STEAP4: variants seen among roughly 807,000 people sequenced by gnomAD.
The protein encoded by STEAP4 is STEAP4 metalloreductase, also known as metalloreductase STEAP4.
In STEAP4, 36 loss-of-function variants were observed where a neutral mutation model predicts 43.6. The observed-to-expected ratio is 0.83, with a 90% CI of 0.63 to 1.09. The LOEUF is 1.09. Ranked by LOEUF, STEAP4 falls within the 50% of genes least tolerant of loss-of-function variation. The pLI is 0.00. For missense variants in STEAP4, 495 were observed against 546.5 expected, an observed-to-expected ratio of 0.91 and a Z score of 0.94; for synonymous variants, 191 against 196.7, an observed-to-expected ratio of 0.97 and a Z score of 0.24.
At chr7:88,301,535 C>G (rs955535002) in intron 1 of STEAP4, among the ~76,000 whole-genome samples, 8 of 152,148 alleles carry the variant, frequency 5.3e-5, no homozygotes, top group Admixed American at 5.2e-4. Context: ...CCTCAGCCTC[C>G]TAAAGTGCTG....
At chr7:88,294,618 G>C (rs1586751174) in intron 1 of STEAP4, among the ~76,000 whole-genome samples, 1 of 152,218 alleles carries the variant, frequency 6.6e-6, no homozygotes. Flanking sequence ...CCCTGGAATA[G>C]ATCCTGTTTC....
At chr7:88,285,929 G>GTT (rs1235067531) in intron 1 of STEAP4, among the ~76,000 whole-genome samples, 1 of 152,054 alleles carries the variant, frequency 6.6e-6, no homozygotes, top group Non-Finnish European at 1.5e-5. Flanking sequence ...GACCCAACAG[G>GTT]TTTGCCTTGC....
Position 88,282,736 on chromosome 7 carries a change from C to T in STEAP4, c.889G>A (p.Ala297Thr). 6.2e-7 allele frequency: 1 copy of T among 1,614,054 alleles called. No homozygotes were observed. Among genetic ancestry groups the T allele is most frequent in the African/African-American group, 1.3e-5 (1 of 75,006 alleles). ...MLCRKQLGLV[A>T]LGFAFLHVLY... ...ACATGAAGGAAGGCAAATCCCAGAG[C>T]TACCAAGCCAAGCTGCTTTCGGCAA... is the stretch of plus-strand genomic sequence containing the variant. Residue 297 changes from alanine (A) to threonine (T), a missense_variant, in exon 3 of 5, where the codon GCT becomes ACT. Coordinates refer to ENST00000380079, the MANE Select transcript of STEAP4 (RefSeq NM_024636.4).
rs1367400254 is a variant in STEAP4 at position 88,279,527 on chromosome 7, A to C, written c.1251T>G (p.Pro417=). The change falls in exon 5 of 5, where the codon CCT becomes CCG. Residue 417 remains proline, a synonymous_variant. Transcript: ENST00000380079. ...TGATAAGCCCTAACACGTAGGCTGC[A>C]GGAAGATACCATCTGAGATTTGAAG... ...LSPSNLRWYL[P]AAYVLGLIIP... is the part of the protein sequence containing the mutation. 3 of 1,614,194 alleles carry C rather than the reference A, an allele frequency of 1.9e-6. No homozygotes were observed. The highest frequency in any genetic ancestry group is 3.3e-5 in the Admixed American group (2 of 60,000).
At position 88,279,046 on chromosome 7, in the gene STEAP4, G is replaced by GCT. The variant is rs1394348117; in HGVS notation, c.*351_*352insAG. 4.2e-6 allele frequency: 1 copy of GCT among 240,018 alleles called. No individual in the cohort carries two copies. The highest frequency in any genetic ancestry group is 2.2e-5 in the African/African-American group (1 of 44,480). 14.9% of individuals were successfully genotyped at this position (240,018 alleles called of 1,614,324 possible). ...AGCCCTTGAGCCAGAGAAGGAAGCT[G>GCT]CAATACTTCTATTGGATTTTGCAAG... is the stretch of plus-strand genomic sequence containing the variant. On this transcript the variant is annotated 3_prime_UTR_variant, in exon 5 of 5. Coordinates refer to ENST00000380079, the MANE Select transcript of STEAP4 (RefSeq NM_024636.4).
intron 1 of STEAP4, among the ~76,000 whole-genome samples, chr7:88,285,479 A>G (rs1852715339): frequency 6.6e-6 from 1 of 152,114 alleles, no homozygotes; most frequent in Admixed American, 6.5e-5. Context: ...TAAAATTTTT[A>G]TAAAGCTAAA....
chr7:88,283,507 T>A (rs1852667393), intron 2 of STEAP4: 1 of 491,216 alleles, frequency 2.0e-6, no homozygotes. Flanking sequence ...GGAACCAGTT[T>A]CATACAAGGT....
rs918935021 is a variant in STEAP4 at position 88,271,881 on chromosome 7, G to A, written c.*7517C>T. ...TTGCCCATCTACTAGGTGAGAAATG[G>A]TATTGATACAGTTACAATTTTCATG... On this transcript the variant is annotated 3_prime_UTR_variant, in exon 5 of 5. Transcript: ENST00000380079. The A allele has an allele frequency of 6.6e-6, 1 of 152,146 alleles. No homozygotes were observed. Among genetic ancestry groups the A allele is most frequent in the Non-Finnish European group, 1.5e-5 (1 of 68,036 alleles). 9.4% of individuals were successfully genotyped at this position (152,146 alleles called of 1,614,324 possible). A position where few individuals can be genotyped will look rare whatever the true frequency, so the allele number is the denominator to read the frequency against.
At chr7:88,285,047 G>A (rs1345107393) in intron 1 of STEAP4, among the ~76,000 whole-genome samples, 1 of 152,158 alleles carries the variant, frequency 6.6e-6, no homozygotes, top group Middle Eastern at 3.4e-3. Context: ...AAAGAAATCA[G>A]AGGTACAGAA....
chr7:88,289,718 C>T (rs1302182713), intron 1 of STEAP4, among the ~76,000 whole-genome samples: 2 of 152,218 alleles, frequency 1.3e-5, no homozygotes, highest in Non-Finnish European at 2.9e-5. Context: ...TATAAACAAA[C>T]TGGCGACTGA....
At chr7:88,283,339 G>C in intron 2 of STEAP4, 171 bp from the exon 3 acceptor site, 1 of 724,422 alleles carries the variant, frequency 1.4e-6, no homozygotes. Flanking sequence ...ACTTGTATGT[G>C]GTGTCTTAGA....
At position 88,291,687 on chromosome 7, in the gene STEAP4, T is replaced by C. The variant is rs57114607; in HGVS notation, c.-2-7416A>G. On this transcript the variant is annotated intron_variant, in intron 1 of 4. Coordinates refer to ENST00000380079, the MANE Select transcript of STEAP4 (RefSeq NM_024636.4). The stretch of plus-strand genomic sequence containing the variant: ...CCTTGTTCAAAGACTTAAAAAAGTT[T>C]TCTAGTCCTACTTTACTCTTATATC... 8.9e-3 allele frequency among the ~76,000 whole-genome samples: 1,355 copies of C among 152,180 alleles called. 20 individuals carry two copies. Among genetic ancestry groups the C allele is most frequent in the African/African-American group, 0.031 (1,280 of 41,494 alleles).
chr7:88,282,881 T>A lies in STEAP4; in HGVS notation c.744A>T (p.Pro248=). The A allele has an allele frequency of 6.2e-7, 1 of 1,614,234 alleles. No homozygotes were observed. Among genetic ancestry groups the A allele is most frequent in the Non-Finnish European group, 8.5e-7 (1 of 1,180,038 alleles). ...AAGCAAGCAGTGTAAGTGCTGTTAT[T>A]GGAAAGATACGATTTGGAATGGAAA... ...MAISIPNRIF[P]ITALTLLALV... is the part of the protein sequence containing the mutation. The change falls in exon 3 of 5, where the codon CCA becomes CCT. Residue 248 remains proline (P), a synonymous_variant. Transcript: ENST00000380079.
At chr7:88,294,970 G>C (rs998336565) in intron 1 of STEAP4, among the ~76,000 whole-genome samples, 5 of 152,058 alleles carry the variant, frequency 3.3e-5, no homozygotes, top group African/African-American at 1.2e-4. Flanking sequence ...ACCATTAGGA[G>C]TCTAACTTGT....
At chr7:88,300,876 AG>A (rs145122755) in intron 1 of STEAP4, among the ~76,000 whole-genome samples, 21,521 of 152,172 alleles carry the variant, frequency 0.14, 1,818 homozygotes, top group Non-Finnish European at 0.2. Flanking sequence ...AAGGCTCCTA[AG>A]TTCTTTAGGA....
chr7:88,284,133 A>G lies in STEAP4; in HGVS notation c.137T>C (p.Val46Ala), dbSNP rs751133705. 1 of 1,614,122 alleles carries G rather than the reference A, an allele frequency of 6.2e-7. No homozygotes were observed. Among genetic ancestry groups the G allele is most frequent in the African/African-American group, 1.3e-5 (1 of 75,030 alleles). ...LKMLQCGYSV[V>A]FGSRNPQKTT... ...CTTCTGGGGGTTTCGACTTCCAAAA[A>G]CAACAGAATAACCACACTGGAGCAT... Residue 46 changes from valine (V) to alanine (A), a missense_variant, in exon 2 of 5, where the codon GTT (valine) becomes GCT (alanine). By Grantham distance (64) the Val-to-Ala change is moderately conservative (BLOSUM62 0). Transcript: ENST00000380079.
intron 1 of STEAP4, among the ~76,000 whole-genome samples, chr7:88,285,409 C>G (rs929918831): frequency 6.6e-6 from 1 of 151,996 alleles, no homozygotes; most frequent in Non-Finnish European, 1.5e-5. Context: ...GTCAGTTTTC[C>G]CTAATTCTAT....
intron 1 of STEAP4, among the ~76,000 whole-genome samples, chr7:88,306,139 G>T (rs1374020798): frequency 6.6e-6 from 1 of 152,184 alleles, no homozygotes; most frequent in African/African-American, 2.4e-5. Context: ...AAAGTGTTGG[G>T]ATAACAGGCT....
chr7:88,288,295 AGAG>A (rs1464533686), intron 1 of STEAP4, among the ~76,000 whole-genome samples: 15 of 152,166 alleles, frequency 9.9e-5, no homozygotes, highest in Non-Finnish European at 1.6e-4. Flanking sequence ...CTCAGCCTCC[AGAG>A]TAGCTGGGAT....
Sources: allele counts gnomAD v4.1 joint callset (sites outside exome capture counted in the v4.1 genomes callset), GRCh38; gene constraint gnomAD v4.1.1; transcripts MANE v1.5; gene names NCBI Gene and HGNC (gene_info 2026-07-23, HGNC 2026-07-21).